FUBP3: variants seen among roughly 807,000 people sequenced by gnomAD.
The protein encoded by FUBP3 is far upstream element binding protein 3, also known as far upstream element-binding protein 3.
In FUBP3, 28 loss-of-function variants were observed where a neutral mutation model predicts 85.6. The ratio of observed to expected loss-of-function variants is 0.33; its 90% confidence interval spans 0.24 to 0.45. The LOEUF (loss-of-function observed/expected upper bound fraction) is 0.45. FUBP3 is among the 20% of genes least tolerant of loss of function. The pLI, the probability that FUBP3 is intolerant of heterozygous loss-of-function variation, is 1.00. For missense variants in FUBP3, 583 were observed against 755.1 expected (o/e 0.77, Z 2.67); for synonymous variants, 271 against 271.4 (o/e 1.00, Z 0.01).
At chr9:130,627,526 G>T (rs185211916) in intron 12 of FUBP3, among the ~76,000 whole-genome samples, 1 of 152,328 alleles carries the variant, frequency 6.6e-6, no homozygotes, top group African/African-American at 2.4e-5. Flanking sequence ...AGCTGCCCTC[G>T]TCCCTGCTCA....
chr9:130,595,719 T>A (rs1400838268), intron 2 of FUBP3, 131 bp downstream of exon 2: 5 of 664,636 alleles, frequency 7.5e-6, no homozygotes. Context: ...AAGGGAAGTA[T>A]TTAGGATGAT....
intron 12 of FUBP3, among the ~76,000 whole-genome samples, chr9:130,629,069 A>G (rs949112239): frequency 2.6e-5 from 4 of 152,194 alleles, no homozygotes; most frequent in African/African-American, 9.6e-5. Context: ...GCGCCTGGCC[A>G]AGTCTCTATT....
chr9:130,624,334 A>G (rs1444710577), intron 11 of FUBP3, among the ~76,000 whole-genome samples: 1 of 152,250 alleles, frequency 6.6e-6, no homozygotes, highest in Non-Finnish European at 1.5e-5. Flanking sequence ...GCTTTGCACC[A>G]GGCAGTGCTC....
At chr9:130,583,318 GA>G (rs1830210137) in intron 1 of FUBP3, among the ~76,000 whole-genome samples, 1 of 152,200 alleles carries the variant, frequency 6.6e-6, no homozygotes, top group South Asian at 2.1e-4. Context: ...ACCCTGGGCT[GA>G]TTTAGAACTT....
intron 1 of FUBP3, among the ~76,000 whole-genome samples, chr9:130,586,965 G>T (rs1035223350): frequency 5.3e-5 from 8 of 151,908 alleles, no homozygotes; most frequent in Admixed American, 6.6e-5. Flanking sequence ...TAGCCAGAAT[G>T]GTCTCAAACT....
intron 2 of FUBP3, among the ~76,000 whole-genome samples, chr9:130,606,426 G>T (rs1219291079): frequency 6.6e-6 from 1 of 152,200 alleles, no homozygotes; most frequent in Admixed American, 6.5e-5. Context: ...CCTCTGGCCA[G>T]TGGTTCCGTG....
At chr9:130,630,233 G>T (rs1208818104) in intron 12 of FUBP3, among the ~76,000 whole-genome samples, 3 of 152,234 alleles carry the variant, frequency 2.0e-5, no homozygotes, top group Non-Finnish European at 4.4e-5. Context: ...CACCATTCTT[G>T]TGCTAAGAAG....
At chr9:130,623,555 T>G in intron 10 of FUBP3, 56 bp from the exon 11 acceptor site, 1 of 1,124,734 alleles carries the variant, frequency 8.9e-7, no homozygotes, top group Admixed American at 1.7e-5. Flanking sequence ...GATTAATCCT[T>G]GTTTCCTTCT....
intron 1 of FUBP3, among the ~76,000 whole-genome samples, chr9:130,594,797 G>A (rs1328031896): frequency 6.6e-6 from 1 of 151,642 alleles, no homozygotes. Context: ...TATTCTTGGG[G>A]AATTTGTTGC....
At position 130,610,478 on chromosome 9, in the gene FUBP3, C is replaced by A. The variant is rs529978606; in HGVS notation, c.224+491C>A. ...ATCCTTCCGAAGTGGTAGGGACTTG[C>A]CAGAGAGCCTCAGCCCAGCTAATTC... On this transcript the variant is annotated intron_variant, in intron 3 of 18. Coordinates refer to ENST00000319725, the MANE Select transcript of FUBP3 (RefSeq NM_003934.2). Among the ~76,000 whole-genome samples the A allele has an allele frequency of 4.6e-5, 7 of 152,164 alleles. No homozygotes were observed. In the South Asian group the frequency reaches 1.0e-3, roughly 23 times the overall value.
intron 2 of FUBP3, among the ~76,000 whole-genome samples, chr9:130,597,726 C>G (rs1050138381): frequency 6.6e-6 from 1 of 152,150 alleles, no homozygotes; most frequent in African/African-American, 2.4e-5. Flanking sequence ...TGGAGAACAG[C>G]TTGGAGAAAA....
intron 2 of FUBP3, among the ~76,000 whole-genome samples, chr9:130,599,832 C>G (rs1167596012): frequency 6.6e-6 from 1 of 152,140 alleles, no homozygotes; most frequent in Non-Finnish European, 1.5e-5. Context: ...AGTTTCATTC[C>G]TCCAGTAACC....
chr9:130,592,914 C>A (rs1830699349), intron 1 of FUBP3, among the ~76,000 whole-genome samples: 1 of 152,164 alleles, frequency 6.6e-6, no homozygotes, highest in East Asian at 1.9e-4. Context: ...TGCCCATCAG[C>A]CTTCCTATAA....
At position 130,623,733 on chromosome 9, in the gene FUBP3, G is replaced by T. The variant is rs530394059; in HGVS notation, c.975+22G>T. On this transcript the variant is annotated intron_variant, in intron 11 of 18. Coordinates refer to ENST00000319725, the MANE Select transcript of FUBP3 (RefSeq NM_003934.2). ...CCAGGTGGGTCCAGCTCTGCAGAGT[G>T]TGAGTGTTTGGGCTGCAGAAGTGGA... is the stretch of plus-strand genomic sequence containing the variant. 3 of 1,521,120 alleles carry T rather than the reference G, an allele frequency of 2.0e-6. No homozygotes were observed. The Admixed American group carries it at 5.0e-5, about 25-fold the overall frequency. 94.2% of individuals were successfully genotyped at this position (1,521,120 alleles called of 1,614,324 possible).
intron 1 of FUBP3, among the ~76,000 whole-genome samples, chr9:130,582,326 C>T (rs1459932234): frequency 6.6e-6 from 1 of 152,038 alleles, no homozygotes; most frequent in Admixed American, 6.6e-5. Flanking sequence ...GTGGCCCACC[C>T]CTGCAGTCTC....
In FUBP3 at chr9:130,635,834, T is replaced by A. The variant is rs528513405; in HGVS notation, c.1583-165T>A. The A allele has an allele frequency of 6.5e-5, 44 of 671,924 alleles. No individual in the cohort carries two copies. The highest frequency in any genetic ancestry group is 2.2e-4 in the Admixed American group (8 of 36,192). The allele number at this position is 671,924 out of a possible 1,614,324, so 41.6% of individuals were successfully genotyped here. On this transcript the variant is annotated intron_variant, in intron 17 of 18. Coordinates refer to ENST00000319725, the MANE Select transcript of FUBP3 (RefSeq NM_003934.2). This position sits in a 1 kb window ranked among gnomAD's most constrained non-coding sequence, Gnocchi z 4.3. Reference sequence around the variant, plus strand: ...CGGGCAACAAGAGGCTAACAGCACCTTTTGTAGCAAGCGCTCCTGCAACAC... The same window carrying A: ...CGGGCAACAAGAGGCTAACAGCACCATTTGTAGCAAGCGCTCCTGCAACAC...
At chr9:130,628,723 C>T (rs866026856) in intron 12 of FUBP3, among the ~76,000 whole-genome samples, 2 of 152,108 alleles carry the variant, frequency 1.3e-5, no homozygotes, top group Non-Finnish European at 2.9e-5. Context: ...TCGAGTCTTA[C>T]GTGTGCCTGT....
intron 9 of FUBP3, 37 bp downstream of exon 9, chr9:130,620,495 G>C: frequency 9.6e-7 from 1 of 1,044,398 alleles, no homozygotes; most frequent in Admixed American, 2.1e-5. Context: ...CAAATGAGAT[G>C]AGGACTAAAG....
intron 1 of FUBP3, among the ~76,000 whole-genome samples, chr9:130,591,334 T>G (rs1297794884): frequency 6.6e-6 from 1 of 152,074 alleles, no homozygotes; most frequent in Non-Finnish European, 1.5e-5. Flanking sequence ...CCCCAGCTAC[T>G]CGGGAGGCTG....
Sources: allele counts gnomAD v4.1 joint callset (sites outside exome capture counted in the v4.1 genomes callset), GRCh38; gene constraint gnomAD v4.1.1; non-coding constraint Gnocchi (gnomAD v3.1); transcripts MANE v1.5; gene names NCBI Gene and HGNC (gene_info 2026-07-23, HGNC 2026-07-21).